The following TBL1X variants were observed in gnomAD, a reference collection of about 807,000 sequenced individuals.
TBL1X encodes transducin beta like 1 X-linked, also known as F-box-like/WD repeat-containing protein TBL1X.
In TBL1X, 10 loss-of-function variants were observed where a neutral mutation model predicts 50.7. That is an observed-to-expected ratio of 0.20 (90% CI 0.12 to 0.33). The LOEUF (loss-of-function observed/expected upper bound fraction) is 0.33, where lower values mean the gene tolerates loss of function less well. Among genes scored for constraint, TBL1X ranks in the 10% least tolerant of loss-of-function variants. TBL1X has a pLI of 1.00. For synonymous variants in TBL1X, 190 were observed against 214.7 expected (o/e 0.88, Z 1.01); for missense variants, 340 against 504.4 (o/e 0.67, Z 3.12).
chrX:9,658,483 C>T (rs1297871603), intron 5 of TBL1X, among the ~76,000 whole-genome samples: 9 of 110,644 alleles, frequency 8.1e-5, no homozygotes, highest in African/African-American at 2.0e-4. Flanking sequence ...TGTGTGCCCC[C>T]GCATATTTCT....
intron 2 of TBL1X, among the ~76,000 whole-genome samples, chrX:9,548,027 GCCA>G (rs940261058): frequency 2.8e-5 from 3 of 105,534 alleles, no homozygotes; most frequent in African/African-American, 1.0e-4. Flanking sequence ...CGTTGGTGCT[GCCA>G]CCACCACCGC....
intron 2 of TBL1X, among the ~76,000 whole-genome samples, chrX:9,539,471 G>A (rs1290921776): frequency 5.4e-5 from 6 of 111,123 alleles, no homozygotes. Context: ...TATAAATTTG[G>A]GGTATTCTGT....
intron 2 of TBL1X, among the ~76,000 whole-genome samples, chrX:9,525,454 C>T (rs760881385): frequency 1.8e-5 from 2 of 111,923 alleles, no homozygotes; most frequent in African/African-American, 3.3e-5. Context: ...TAGCAAATAC[C>T]GCGGGAACAC....
At chrX:9,710,533 C>T (rs17280788) in intron 15 of TBL1X, among the ~76,000 whole-genome samples, 31,679 of 110,858 alleles carry the variant, frequency 0.29, 3,528 homozygotes, top group East Asian at 0.64. Context: ...TTTTGCGTCG[C>T]GTGGTACTAT....
intron 2 of TBL1X, among the ~76,000 whole-genome samples, chrX:9,538,771 C>T (rs1486018184): frequency 8.9e-6 from 1 of 112,730 alleles, no homozygotes; most frequent in Non-Finnish European, 1.9e-5. Context: ...TTTCCGTTCT[C>T]TGATGAGCCT....
chrX:9,674,869 C>T (rs187603486), intron 5 of TBL1X, among the ~76,000 whole-genome samples: 65 of 111,553 alleles, frequency 5.8e-4, no homozygotes, highest in African/African-American at 2.0e-3. Context: ...CATAAGCCAC[C>T]ACACCCAGTG....
At chrX:9,630,159 CCTT>C (rs1233012653) in intron 2 of TBL1X, among the ~76,000 whole-genome samples, 3 of 111,968 alleles carry the variant, frequency 2.7e-5, no homozygotes, top group Non-Finnish European at 5.6e-5. Context: ...TCTCCAGTCT[CCTT>C]CTAACAGACC....
intron 2 of TBL1X, among the ~76,000 whole-genome samples, chrX:9,624,263 T>C (rs1360693585): frequency 8.9e-6 from 1 of 112,473 alleles, no homozygotes; most frequent in Non-Finnish European, 1.9e-5. Context: ...AGAGCTGTTC[T>C]CTGCAGTGAG....
chrX:9,544,666 G>A (rs1016909960), intron 2 of TBL1X, among the ~76,000 whole-genome samples: 7 of 111,404 alleles, frequency 6.3e-5, no homozygotes, highest in East Asian at 2.8e-4. Context: ...GAGTTCAAGC[G>A]ATTCTCCTGC....
intron 5 of TBL1X, among the ~76,000 whole-genome samples, chrX:9,672,744 A>G (rs2082967645): frequency 8.9e-6 from 1 of 111,771 alleles, no homozygotes; most frequent in Admixed American, 9.5e-5. Flanking sequence ...ACACTTCACG[A>G]GCACTCTTTA....
chrX:9,655,053 C>T (rs2082857698), intron 5 of TBL1X, among the ~76,000 whole-genome samples: 1 of 111,187 alleles, frequency 9.0e-6, no homozygotes, highest in African/African-American at 3.3e-5. Context: ...CCCATGTTTG[C>T]CTCCCCGCCT....
intron 12 of TBL1X, among the ~76,000 whole-genome samples, chrX:9,701,915 G>T (rs753666994): frequency 1.8e-5 from 2 of 112,075 alleles, no homozygotes; most frequent in East Asian, 5.6e-4. Context: ...CAGAAGAGAT[G>T]ATCTCAGATG....
At chrX:9,516,969 C>T (rs2082083412) in intron 2 of TBL1X, among the ~76,000 whole-genome samples, 1 of 111,428 alleles carries the variant, frequency 9.0e-6, no homozygotes, top group Admixed American at 9.5e-5. Flanking sequence ...GACTTGTTAC[C>T]TAAACATCTG....
At chrX:9,693,276 G>T in intron 10 of TBL1X, 46 bp from the exon 11 acceptor site, 1 of 1,209,582 alleles carries the variant, frequency 8.3e-7, no homozygotes, top group Non-Finnish European at 1.1e-6. Context: ...ACCCTTGAGT[G>T]AACAGACCAT....
chrX:9,693,021 G>A, intron 9 of TBL1X, 128 bp from the exon 10 acceptor site: 2 of 640,719 alleles, frequency 3.1e-6, no homozygotes, highest in Non-Finnish European at 5.0e-6. Context: ...TTTCAATTCT[G>A]TCATTAAAGA....
At chrX:9,485,230 G>C (rs2081905128) in intron 1 of TBL1X, among the ~76,000 whole-genome samples, 1 of 112,270 alleles carries the variant, frequency 8.9e-6, no homozygotes, top group African/African-American at 3.2e-5. Flanking sequence ...TGGTGCCAAT[G>C]GTTCAAGGAC....
intron 5 of TBL1X, among the ~76,000 whole-genome samples, chrX:9,677,484 GGCGT>G (rs1248273635): frequency 1.6e-4 from 18 of 109,816 alleles, no homozygotes; most frequent in Non-Finnish European, 3.2e-4. Context: ...GGCTTTTGCA[GGCGT>G]GCCAAAATCA....
At chrX:9,560,376 C>T (rs1387369718) in intron 2 of TBL1X, 3 of 112,285 alleles carry the variant, frequency 2.7e-5, no homozygotes, top group Non-Finnish European at 5.6e-5. Flanking sequence ...GTCCCTCTGG[C>T]GCAGCATCTG....
At chrX:9,518,730 C>T (rs933666500) in intron 2 of TBL1X, among the ~76,000 whole-genome samples, 1 of 110,907 alleles carries the variant, frequency 9.0e-6, no homozygotes, top group African/African-American at 3.3e-5. Context: ...CTGTATCCTC[C>T]TCAGTCACCC....
Sources: gnomAD v4.1 joint callset for allele counts (sites outside exome capture counted in the v4.1 genomes callset) on GRCh38, gnomAD v4.1.1 for gene constraint, MANE v1.5 for transcripts, NCBI Gene and HGNC (gene_info 2026-07-23, HGNC 2026-07-21) for gene names.